The following JAZF1 variants were observed in gnomAD, a reference collection of about 807,000 sequenced individuals.
JAZF1 encodes juxtaposed with another zinc finger protein 1.
In JAZF1, 8 loss-of-function variants were observed where a neutral mutation model predicts 26.4. The observed-to-expected ratio is 0.30, with a 90% CI of 0.18 to 0.55. The LOEUF (loss-of-function observed/expected upper bound fraction) is 0.55, where lower values mean the gene tolerates loss of function less well. Among genes scored for constraint, JAZF1 ranks in the 20% least tolerant of loss-of-function variants. JAZF1 has a pLI of 0.94. For synonymous variants in JAZF1, 126 were observed against 122.3 expected (o/e 1.03, Z -0.20); for missense variants, 199 against 322.0 (o/e 0.62, Z 2.92).
chr7:28,178,521 A>G (rs1455133700), intron 1 of JAZF1, among the ~76,000 whole-genome samples: 1 of 152,210 alleles, frequency 6.6e-6, no homozygotes, highest in Non-Finnish European at 1.5e-5. Context: ...TATATTACTT[A>G]TATCATACAT....
intron 1 of JAZF1, among the ~76,000 whole-genome samples, chr7:28,103,983 C>T (rs190571167): frequency 2.4e-4 from 37 of 152,320 alleles, no homozygotes; most frequent in East Asian, 1.7e-3. Context: ...GTGCCCACCA[C>T]GACCTTATCT....
At chr7:27,940,463 A>G (rs768929132) in intron 2 of JAZF1, among the ~76,000 whole-genome samples, 3 of 152,152 alleles carry the variant, frequency 2.0e-5, no homozygotes, top group Non-Finnish European at 4.4e-5. Context: ...GCACACACAC[A>G]TGCCCAGATG....
At position 27,873,242 on chromosome 7, in the gene JAZF1, G is replaced by A. The variant is rs1783617156; in HGVS notation, c.385+21978C>T. On this transcript the variant is annotated intron_variant, in intron 3 of 4. Coordinates refer to ENST00000283928, the MANE Select transcript of JAZF1 (RefSeq NM_175061.4). ...AATAACCTCCTAACTGATATGCCAG[G>A]ATCTAGTCTCTTGGCCCTCCAATCC... is the stretch of plus-strand genomic sequence containing the variant. Among the ~76,000 whole-genome samples, 4 of 152,142 alleles carry A rather than the reference G, an allele frequency of 2.6e-5. No individual in the cohort carries two copies. The South Asian group carries it at 8.3e-4, about 31-fold the overall frequency.
chr7:27,932,203 T>G (rs1784697456), intron 2 of JAZF1, among the ~76,000 whole-genome samples: 1 of 152,168 alleles, frequency 6.6e-6, no homozygotes, highest in African/African-American at 2.4e-5. Flanking sequence ...CATCTGGAGT[T>G]GGATAGGACT....
chr7:27,918,075 G>A (rs894791215), intron 2 of JAZF1, among the ~76,000 whole-genome samples: 3 of 152,162 alleles, frequency 2.0e-5, no homozygotes, highest in Non-Finnish European at 2.9e-5. Context: ...TATCAGACTA[G>A]GTTCCTGAGT....
chr7:28,176,570 C>G (rs964422881), intron 1 of JAZF1, among the ~76,000 whole-genome samples: 1 of 152,176 alleles, frequency 6.6e-6, no homozygotes, highest in South Asian at 2.1e-4. Context: ...TACTGTGTAT[C>G]ACATACCTCA....
intron 1 of JAZF1, among the ~76,000 whole-genome samples, chr7:28,164,203 C>A (rs934409123): frequency 1.3e-5 from 2 of 152,218 alleles, no homozygotes; most frequent in African/African-American, 4.8e-5. Context: ...TGAACCCAGC[C>A]TCAATCAGCC....
intron 1 of JAZF1, among the ~76,000 whole-genome samples, chr7:28,076,781 GAA>G (rs1784058274): frequency 6.7e-6 from 1 of 149,240 alleles, no homozygotes; most frequent in African/African-American, 2.5e-5. Context: ...GTTTCCATAA[GAA>G]AACATTGTGC....
chr7:28,009,050 GAGA>G (rs1461337001), intron 1 of JAZF1, among the ~76,000 whole-genome samples: 1 of 152,176 alleles, frequency 6.6e-6, no homozygotes, highest in East Asian at 1.9e-4. Flanking sequence ...AGAAGCTCGG[GAGA>G]CCTCTGGGAT....
At chr7:27,868,494 A>G (rs745446024) in intron 3 of JAZF1, among the ~76,000 whole-genome samples, 2 of 152,164 alleles carry the variant, frequency 1.3e-5, no homozygotes, top group Non-Finnish European at 2.9e-5. Flanking sequence ...CAAGGCGTGG[A>G]GTTGCTTGCT....
At chr7:27,853,899 C>T (rs1443827353) in intron 3 of JAZF1, among the ~76,000 whole-genome samples, 1 of 152,140 alleles carries the variant, frequency 6.6e-6, no homozygotes, top group Non-Finnish European at 1.5e-5. Context: ...TCCACTTGGT[C>T]CAGAGCTGAG....
intron 3 of JAZF1, chr7:27,846,418 C>CATGTAT: frequency 5.5e-6 from 2 of 364,396 alleles, no homozygotes; most frequent in Non-Finnish European, 1.2e-5. Flanking sequence ...TATATATATA[C>CATGTAT]ATATATACAC....
At chr7:27,976,111 A>G (rs1361645620) in intron 2 of JAZF1, among the ~76,000 whole-genome samples, 1 of 152,102 alleles carries the variant, frequency 6.6e-6, no homozygotes, top group Admixed American at 6.5e-5. Flanking sequence ...TTGGGAGGCC[A>G]AGGCGGGCGG....
intron 2 of JAZF1, among the ~76,000 whole-genome samples, chr7:27,973,871 C>T (rs1230965723): frequency 6.6e-6 from 1 of 152,128 alleles, no homozygotes; most frequent in Non-Finnish European, 1.5e-5. Flanking sequence ...AGAATGGAGG[C>T]AGGCAGGGAG....
At position 27,840,514 on chromosome 7, in the gene JAZF1, G is replaced by A. The variant is rs902644262; in HGVS notation, c.555+184C>T. 1.3e-5 allele frequency among the ~76,000 whole-genome samples: 2 copies of A among 152,242 alleles called. No homozygotes were observed. The highest frequency in any genetic ancestry group is 1.9e-4 in the East Asian group (1 of 5,184). ...AAAGCCCCGGCAGCAGCGGTGGCGG[G>A]TGAGCACTTCCTTGAGGGCACCTGT... On this transcript the variant is annotated intron_variant, in intron 4 of 4. Transcript: ENST00000283928. The surrounding 1 kb of genome is among the most constrained non-coding windows in gnomAD (Gnocchi z 5.1).
At chr7:28,150,394 CA>C (rs2127948267) in intron 1 of JAZF1, among the ~76,000 whole-genome samples, 1 of 152,214 alleles carries the variant, frequency 6.6e-6, no homozygotes, top group Admixed American at 6.5e-5. Context: ...TGGAAGAGTC[CA>C]GAAAACAAAG....
chr7:27,914,510 A>G (rs946733529), intron 2 of JAZF1, among the ~76,000 whole-genome samples: 14 of 152,152 alleles, frequency 9.2e-5, no homozygotes, highest in African/African-American at 3.4e-4. Context: ...TTAGGTTTAT[A>G]TAAATTGTGG....
chr7:27,845,394 G>C (rs1464391731), intron 3 of JAZF1, among the ~76,000 whole-genome samples: 1 of 152,086 alleles, frequency 6.6e-6, no homozygotes, highest in African/African-American at 2.4e-5. Context: ...GCTCATCTTG[G>C]TGTCTCAGAA....
chr7:28,122,758 T>C (rs1449711310), intron 1 of JAZF1, among the ~76,000 whole-genome samples: 2 of 152,098 alleles, frequency 1.3e-5, no homozygotes, highest in Non-Finnish European at 2.9e-5. Flanking sequence ...CATTCATTCA[T>C]TCTCTATGTA....
Sources: allele counts gnomAD v4.1 joint callset (sites outside exome capture counted in the v4.1 genomes callset), GRCh38; gene constraint gnomAD v4.1.1; non-coding constraint Gnocchi (gnomAD v3.1); transcripts MANE v1.5; gene names NCBI Gene and HGNC (gene_info 2026-07-23, HGNC 2026-07-21).